Variants in PMAIP1 observed in about 807,000 individuals in gnomAD.
The protein encoded by PMAIP1 is PMA-induced protein 1.
PMAIP1 carries 3 observed loss-of-function variants against 3.7 expected under a neutral mutation model. The ratio of observed to expected loss-of-function variants is 0.82; its 90% CI spans 0.37 to 2.12. The LOEUF (loss-of-function observed/expected upper bound fraction) is 2.12, where lower values mean the gene tolerates loss of function less well. Among genes scored for constraint, PMAIP1 ranks in the 30% most tolerant of loss-of-function variants. The probability of loss-of-function intolerance (pLI) is 0.06; values close to 1 mark genes in which losing one functional copy is unlikely to be tolerated. For missense variants in PMAIP1, 77 were observed against 67.1 expected, an observed-to-expected ratio of 1.15 and a Z score of -0.52; for synonymous variants, 29 against 26.2, an observed-to-expected ratio of 1.11 and a Z score of -0.32.
At position 59,903,163 on chromosome 18, in the gene PMAIP1, C is replaced by G. The variant is rs780715290; in HGVS notation, c.*410C>G. 26 of 382,820 alleles carry G rather than the reference C, an allele frequency of 6.8e-5. No homozygotes were observed. The highest frequency in any genetic ancestry group is 1.2e-4 in the Non-Finnish European group (25 of 208,846). The allele number at this position is 382,820 out of a possible 1,614,324, so 23.7% of individuals were successfully genotyped here. ...ACAGTTCAGTGCATTGTTGTTGTTG[C>G]TGTTTTTGGTGTTTTGCTTTTCAGT... On this transcript the variant is annotated 3_prime_UTR_variant, in exon 2 of 2. Coordinates refer to ENST00000316660, the MANE Select transcript of PMAIP1 (RefSeq NM_021127.3).
At position 59,900,052 on chromosome 18, in the gene PMAIP1, G is replaced by A. The variant is rs549305473; in HGVS notation, c.-126G>A. On this transcript the variant is annotated 5_prime_UTR_variant, in exon 1 of 2. Transcript: ENST00000316660. ...GGCATCTCCGCGCGTCCGGACACCCGATCCCAGCATCCCTGCCTGCAGGAC... is the reference window on the plus strand; with the variant it reads ...GGCATCTCCGCGCGTCCGGACACCCAATCCCAGCATCCCTGCCTGCAGGAC... 8.6e-4 allele frequency: 877 copies of A among 1,021,414 alleles called. 3 individuals are homozygous for A. The highest frequency in any genetic ancestry group is 1.0e-3 in the Admixed American group (34 of 33,158). The allele number at this position is 1,021,414 out of a possible 1,614,324, so 63.3% of individuals were successfully genotyped here.
rs1328888195 is a variant in PMAIP1, at chr18:59,900,182, C to T, written c.5C>T (p.Pro2Leu). The T allele has an allele frequency of 3.8e-6, 6 of 1,559,722 alleles. No homozygotes were observed. The highest frequency in any genetic ancestry group is 5.2e-6 in the Non-Finnish European group (6 of 1,155,938). ...TGGGCGGCGGCACCGGCGGAGATGC[C>T]TGGGAAGAAGGCGCGCAAGAACGCT... is the stretch of plus-strand genomic sequence containing the variant. M[P>L]GKKARKNAQP... The change falls in exon 1 of 2, where the codon CCT (proline) becomes CTT (leucine). Residue 2 changes from proline (P) to leucine (L), a missense_variant. Coordinates refer to ENST00000316660, the MANE Select transcript of PMAIP1 (RefSeq NM_021127.3).
intron 1 of PMAIP1, chr18:59,900,514 C>T (rs749585250): frequency 3.9e-6 from 6 of 1,550,426 alleles, no homozygotes; most frequent in Non-Finnish European, 5.2e-6. Flanking sequence ...CAAAAAGCTC[C>T]TTTCCTCCTC....
In PMAIP1 at chr18:59,902,731, A is replaced by G; in HGVS notation, c.143A>G (p.Lys48Arg). The change falls in exon 2 of 2, where the codon AAA becomes AGA. Residue 48 changes from lysine (K) to arginine (R), a missense_variant. Physicochemically the swap from Lys to Arg is conservative, Grantham distance 26. Coordinates refer to ENST00000316660, the MANE Select transcript of PMAIP1 (RefSeq NM_021127.3). Reference sequence around the variant, plus strand: ...CAGAAACTTCTGAATCTGATATCCAAACTCTTCTGCTCAGGAACCTGACTG... The same window carrying G: ...CAGAAACTTCTGAATCTGATATCCAGACTCTTCTGCTCAGGAACCTGACTG... ...FRQKLLNLISKLFCSGT is the reference protein window; with the variant it reads ...FRQKLLNLISRLFCSGT The G allele has an allele frequency of 6.2e-7, 1 of 1,614,158 alleles. No individual in the cohort carries two copies. Among genetic ancestry groups the G allele is most frequent in the Non-Finnish European group, 8.5e-7 (1 of 1,180,006 alleles).
intron 1 of PMAIP1, 45 bp from the exon 2 acceptor site, chr18:59,902,602 G>A: frequency 2.0e-6 from 3 of 1,518,738 alleles, no homozygotes; most frequent in Non-Finnish European, 2.7e-6. Flanking sequence ...GTTACAGTCT[G>A]TAATATCATC....
rs754253425 is a variant in PMAIP1, at chr18:59,902,683, T to G, written c.95T>G (p.Phe32Cys). 29 of 1,614,074 alleles carry G rather than the reference T, an allele frequency of 1.8e-5. No homozygotes were observed. Among genetic ancestry groups the G allele is most frequent in the African/African-American group, 4.0e-5 (3 of 74,938 alleles). The change falls in exon 2 of 2, where the codon TTT becomes TGT. Residue 32 changes from phenylalanine to cysteine, a missense_variant. Physicochemically the swap from Phe to Cys is radical, Grantham distance 205. Transcript: ENST00000316660. ...EVECATQLRR[F>C]GDKLNFRQKL... ...GAGTGTGCTACTCAACTCAGGAGAT[T>G]TGGAGACAAACTGAACTTCCGGCAG...
At chr18:59,901,776 A>G (rs2055772092) in intron 1 of PMAIP1, among the ~76,000 whole-genome samples, 1 of 152,222 alleles carries the variant, frequency 6.6e-6, no homozygotes. Flanking sequence ...TATAGTCAGT[A>G]TAGATACGAT....
Position 59,900,134 on chromosome 18 carries a change from G to A in PMAIP1, c.-44G>A, listed in dbSNP as rs2143556620. The A allele has an allele frequency of 6.5e-7, 1 of 1,543,684 alleles. No individual in the cohort carries two copies. Among genetic ancestry groups the A allele is most frequent in the Non-Finnish European group, 8.7e-7 (1 of 1,148,320 alleles). ...CCGAGGTGCTCCAGTTGGAGGCTGA[G>A]GTTCCCGGGCTCTGTAGCTGAGTGG... On this transcript the variant is annotated 5_prime_UTR_variant, in exon 1 of 2. Transcript: ENST00000316660.
intron 1 of PMAIP1, among the ~76,000 whole-genome samples, chr18:59,900,973 CT>C (rs1348012521): frequency 6.6e-6 from 1 of 152,074 alleles, no homozygotes; most frequent in African/African-American, 2.4e-5. Flanking sequence ...TTTTAAGTTA[CT>C]TTCATTTTAT....
At chr18:59,900,353 A>G (rs1448511701) in intron 1 of PMAIP1, 118 bp downstream of exon 1, 17 of 1,530,406 alleles carry the variant, frequency 1.1e-5, no homozygotes, top group Non-Finnish European at 1.5e-5. Flanking sequence ...CACGGGGGTC[A>G]AGGTCGGGCC....
At position 59,900,166 on chromosome 18, in the gene PMAIP1, G is replaced by A; in HGVS notation, c.-12G>A. ...GGGCTCTGTAGCTGAGTGGGCGGCG[G>A]CACCGGCGGAGATGCCTGGGAAGAA... On this transcript the variant is annotated 5_prime_UTR_variant, in exon 1 of 2. Transcript: ENST00000316660. 1.3e-6 allele frequency: 2 copies of A among 1,557,050 alleles called. No homozygotes were observed. Among genetic ancestry groups the A allele is most frequent in the South Asian group, 1.2e-5 (1 of 85,118 alleles).
intron 1 of PMAIP1, among the ~76,000 whole-genome samples, chr18:59,902,161 A>C (rs1256710834): frequency 6.6e-6 from 1 of 152,258 alleles, no homozygotes; most frequent in Non-Finnish European, 1.5e-5. Context: ...AATTATTGCC[A>C]TTTGAAAATC....
At position 59,900,004 on chromosome 18, in the gene PMAIP1, C is replaced by T. The variant is rs1215062814; in HGVS notation, c.-174C>T. On this transcript the variant is annotated 5_prime_UTR_variant, in exon 1 of 2. Transcript: ENST00000316660. ...TCTGGCGCGGGGATCTCAGAGTTTC[C>T]CGGGCACTCACCGTGTGTAGTTGGC... 3.5e-6 allele frequency: 2 copies of T among 567,934 alleles called. No homozygotes were observed. The highest frequency in any genetic ancestry group is 2.0e-5 in the African/African-American group (1 of 50,460). The allele number at this position is 567,934 out of a possible 1,614,324, so 35.2% of individuals were successfully genotyped here.
At chr18:59,900,661 G>A in intron 1 of PMAIP1, 3 of 1,458,934 alleles carry the variant, frequency 2.1e-6, no homozygotes, top group Non-Finnish European at 2.8e-6. Flanking sequence ...GACTCCCAGC[G>A]CTTCCAGAGA....
At chr18:59,902,053 A>AT (rs563327616) in intron 1 of PMAIP1, among the ~76,000 whole-genome samples, 2 of 152,226 alleles carry the variant, frequency 1.3e-5, no homozygotes, top group African/African-American at 4.8e-5. Context: ...TTAGAATAAG[A>AT]TTTTATGAGT....
Position 59,904,287 on chromosome 18 carries a change from A to G in PMAIP1, c.*1534A>G, listed in dbSNP as rs1389195743. 6.6e-6 allele frequency: 1 copy of G among 152,216 alleles called. No individual in the cohort carries two copies. The highest frequency in any genetic ancestry group is 1.5e-5 in the Non-Finnish European group (1 of 68,034). The allele number at this position is 152,216 out of a possible 1,614,324, so 9.4% of individuals were successfully genotyped here. A position where few individuals can be genotyped will look rare whatever the true frequency, so the allele number is the denominator to read the frequency against. ...AAAGTTGATACTGTGGCAGTAAACT[A>G]TTAAAAGTTTTCACTGTTCTTTTCT... On this transcript the variant is annotated 3_prime_UTR_variant, in exon 2 of 2. Coordinates refer to ENST00000316660, the MANE Select transcript of PMAIP1 (RefSeq NM_021127.3).
chr18:59,900,852 C>T, intron 1 of PMAIP1: 1 of 402,118 alleles, frequency 2.5e-6, no homozygotes, highest in Non-Finnish European at 4.5e-6. Flanking sequence ...GCCAGCGCCC[C>T]GGCCCCATGC....
At chr18:59,902,240 G>T (rs1356734901) in intron 1 of PMAIP1, among the ~76,000 whole-genome samples, 1 of 152,152 alleles carries the variant, frequency 6.6e-6, no homozygotes, top group Non-Finnish European at 1.5e-5. Context: ...AAGAGAAAAA[G>T]ATGACATCAT....
chr18:59,903,141 G>T lies in PMAIP1; in HGVS notation c.*388G>T. On this transcript the variant is annotated 3_prime_UTR_variant, in exon 2 of 2. Coordinates refer to ENST00000316660, the MANE Select transcript of PMAIP1 (RefSeq NM_021127.3). ...TAGACTGGGCGGCTGGGGAGAAACA[G>T]TTCAGTGCATTGTTGTTGTTGCTGT... 2.2e-6 allele frequency: 1 copy of T among 456,856 alleles called. No homozygotes were observed. The highest frequency in any genetic ancestry group is 4.0e-6 in the Non-Finnish European group (1 of 253,112). 28.3% of individuals were successfully genotyped at this position (456,856 alleles called of 1,614,324 possible).
Sources: allele counts gnomAD v4.1 joint callset (sites outside exome capture counted in the v4.1 genomes callset), GRCh38; gene constraint gnomAD v4.1.1; transcripts MANE v1.5; gene names NCBI Gene and HGNC (gene_info 2026-07-23, HGNC 2026-07-21).